NXPE2: variants seen among roughly 807,000 people sequenced by gnomAD.
The protein encoded by NXPE2 is neurexophilin and PC-esterase domain family member 2.
NXPE2 carries 34 observed loss-of-function variants against 34.4 expected under a neutral mutation model. That is an observed-to-expected ratio of 0.99 (90% CI 0.75 to 1.31). The LOEUF is 1.31. Ranked by LOEUF, NXPE2 falls within the 40% of genes most tolerant of loss-of-function variation. The probability of loss-of-function intolerance (pLI) is 0.00; values close to 1 mark genes in which losing one functional copy is unlikely to be tolerated. For synonymous variants in NXPE2, 235 were observed against 231.3 expected (o/e 1.02, Z -0.15); for missense variants, 649 against 672.5 (o/e 0.97, Z 0.39).
chr11:114,740,197 C>A, the NXPE2 span, among the ~76,000 whole-genome samples: 142,238 of 152,000 alleles, frequency 0.94, 67,227 homozygotes, highest in East Asian at 1. Flanking sequence ...TTCTCTCTCT[C>A]TATATAAATA....
the NXPE2 span, among the ~76,000 whole-genome samples, chr11:114,566,972 C>T: frequency 6.6e-6 from 1 of 152,236 alleles, no homozygotes; most frequent in East Asian, 1.9e-4. Flanking sequence ...GCCTTAAGCA[C>T]CATCCTGTAT....
At chr11:114,716,600 G>T in the NXPE2 span, among the ~76,000 whole-genome samples, 1 of 152,120 alleles carries the variant, frequency 6.6e-6, no homozygotes, top group Non-Finnish European at 1.5e-5. Flanking sequence ...TATGGAGAGG[G>T]CAATATGAAG....
the NXPE2 span, among the ~76,000 whole-genome samples, chr11:114,638,296 C>A: frequency 1.3e-5 from 2 of 151,980 alleles, no homozygotes; most frequent in Non-Finnish European, 2.9e-5. Context: ...AGTTCTCGAG[C>A]CTTGGTTTTC....
chr11:114,672,585 T>G, the NXPE2 span, among the ~76,000 whole-genome samples: 1 of 151,924 alleles, frequency 6.6e-6, no homozygotes, highest in African/African-American at 2.4e-5. Context: ...AGACACATAC[T>G]TTACATTTAA....
chr11:114,528,934 T>A, the NXPE2 span: 1 of 488,776 alleles, frequency 2.0e-6, no homozygotes, highest in Non-Finnish European at 3.8e-6. Flanking sequence ...CCATCAGAGA[T>A]AAAAGGGAGG....
At chr11:114,570,498 A>T in the NXPE2 span, 1 of 155,320 alleles carries the variant, frequency 6.4e-6, no homozygotes, top group Non-Finnish European at 1.4e-5. Flanking sequence ...AATTCTCTCT[A>T]TGACTATGGG....
chr11:114,527,792 T>C, the NXPE2 span: 8 of 1,374,046 alleles, frequency 5.8e-6, no homozygotes, highest in South Asian at 2.7e-5. Flanking sequence ...TTAATGCTGA[T>C]AAAAGTTTCC....
the NXPE2 span, among the ~76,000 whole-genome samples, chr11:114,586,851 G>A: frequency 6.6e-6 from 1 of 152,082 alleles, no homozygotes; most frequent in Non-Finnish European, 1.5e-5. Flanking sequence ...TTACAGTTCG[G>A]TGAAGTAATC....
At chr11:114,525,276 T>A in the NXPE2 span, among the ~76,000 whole-genome samples, 3 of 151,892 alleles carry the variant, frequency 2.0e-5, no homozygotes, top group Admixed American at 6.6e-5. Context: ...CACTGAGAAA[T>A]AGATTCCATT....
At chr11:114,700,818 A>G (rs1417407667) in intron 3 of NXPE2, among the ~76,000 whole-genome samples, 1 of 152,178 alleles carries the variant, frequency 6.6e-6, no homozygotes, top group Non-Finnish European at 1.5e-5. Flanking sequence ...ATTTGGCCAC[A>G]GACCACTTAT....
At chr11:114,772,080 G>A in the NXPE2 span, among the ~76,000 whole-genome samples, 1 of 152,134 alleles carries the variant, frequency 6.6e-6, no homozygotes, top group African/African-American at 2.4e-5. Context: ...CCATGAAAAC[G>A]GACGCTTTGT....
chr11:114,542,609 T>G, the NXPE2 span, among the ~76,000 whole-genome samples: 1 of 152,160 alleles, frequency 6.6e-6, no homozygotes, highest in Non-Finnish European at 1.5e-5. Context: ...GCTTGTCATT[T>G]GCCTTATAGT....
the NXPE2 span, among the ~76,000 whole-genome samples, chr11:114,616,880 G>A: frequency 5.1e-4 from 77 of 151,750 alleles, 2 homozygotes; most frequent in South Asian, 6.2e-4. Context: ...ACTGTTACCC[G>A]CTGGATACTA....
the NXPE2 span, among the ~76,000 whole-genome samples, chr11:114,537,031 A>G: frequency 6.6e-6 from 1 of 152,368 alleles, no homozygotes; most frequent in South Asian, 2.1e-4. Context: ...AAAATCCGCA[A>G]TAAAATACTG....
chr11:114,556,560 T>C, the NXPE2 span, among the ~76,000 whole-genome samples: 2 of 151,920 alleles, frequency 1.3e-5, no homozygotes, highest in African/African-American at 4.8e-5. Context: ...CAGTACACAC[T>C]GAGGTATATT....
the NXPE2 span, among the ~76,000 whole-genome samples, chr11:114,550,207 G>C: frequency 0.019 from 2,905 of 152,116 alleles, 95 homozygotes; most frequent in African/African-American, 0.067. Flanking sequence ...GGTCAGACAG[G>C]CCAGTTAGAA....
downstream of NXPE2, among the ~76,000 whole-genome samples, chr11:114,708,344 T>C (rs2135578171): frequency 6.6e-6 from 1 of 152,256 alleles, no homozygotes. Context: ...TAAAATATGA[T>C]TTGGGATCCC....
chr11:114,739,380 C>G, the NXPE2 span, among the ~76,000 whole-genome samples: 1 of 91,498 alleles, frequency 1.1e-5, no homozygotes, highest in Non-Finnish European at 2.4e-5. Context: ...CCCTCACTCA[C>G]TCCTTCCCTT....
At chr11:114,734,594 G>A in the NXPE2 span, among the ~76,000 whole-genome samples, 1 of 152,042 alleles carries the variant, frequency 6.6e-6, no homozygotes, top group African/African-American at 2.4e-5. Flanking sequence ...TGAAAGCTAT[G>A]GCTATCAACA....
Sources: allele counts gnomAD v4.1 joint callset (sites outside exome capture counted in the v4.1 genomes callset), GRCh38; gene constraint gnomAD v4.1.1; transcripts MANE v1.5; gene names NCBI Gene and HGNC (gene_info 2026-07-23, HGNC 2026-07-21).